Variants in ERCC6L2 observed in about 807,000 individuals in gnomAD.
The protein encoded by ERCC6L2 is ERCC excision repair 6 like 2.
Under a neutral mutation model 132.0 loss-of-function variants are expected in ERCC6L2, and 77 were observed. That is an observed-to-expected ratio of 0.58 (90% CI 0.49 to 0.71). ERCC6L2 has a LOEUF of 0.71. Among genes scored for constraint, ERCC6L2 ranks in the 30% least tolerant of loss-of-function variants. The pLI, the probability that ERCC6L2 is intolerant of heterozygous loss-of-function variation, is 0.00. For missense variants in ERCC6L2, 1,542 were observed against 1,837.6 expected (o/e 0.84, Z 2.94); for synonymous variants, 583 against 632.4 (o/e 0.92, Z 1.17).
chr9:96,007,580 G>T (rs1833902174), intron 18 of ERCC6L2, among the ~76,000 whole-genome samples: 1 of 152,218 alleles, frequency 6.6e-6, no homozygotes, highest in Non-Finnish European at 1.5e-5. Context: ...TTGTCTAGAA[G>T]CACTAACCCT....
intron 16 of ERCC6L2, among the ~76,000 whole-genome samples, chr9:95,977,819 A>G (rs1727991902): frequency 6.6e-6 from 1 of 151,720 alleles, no homozygotes; most frequent in South Asian, 2.1e-4. Flanking sequence ...CAAAACCTCC[A>G]TTTCAGGTTT....
intron 19 of ERCC6L2, among the ~76,000 whole-genome samples, chr9:96,033,331 C>T (rs556232431): frequency 1.3e-5 from 2 of 152,018 alleles, no homozygotes; most frequent in South Asian, 2.1e-4. Context: ...CTGCAACCTC[C>T]GACTCTCGGG....
intron 13 of ERCC6L2, among the ~76,000 whole-genome samples, chr9:95,959,663 T>A (rs1239097666): frequency 6.6e-6 from 1 of 150,988 alleles, no homozygotes; most frequent in African/African-American, 2.4e-5. Context: ...GAATCTACAA[T>A]GAACTCAAAC....
intron 9 of ERCC6L2, among the ~76,000 whole-genome samples, chr9:95,926,871 ATAT>A (rs1830124315): frequency 1.3e-5 from 2 of 152,086 alleles, no homozygotes; most frequent in Admixed American, 1.3e-4. Context: ...TTTTCTAATA[ATAT>A]TATTAATACA....
At chr9:95,897,344 A>G (rs990234330) in intron 2 of ERCC6L2, among the ~76,000 whole-genome samples, 4 of 152,150 alleles carry the variant, frequency 2.6e-5, no homozygotes, top group African/African-American at 9.7e-5. Flanking sequence ...ATTTTTGGAG[A>G]TGAGCTGTTA....
intron 2 of ERCC6L2, among the ~76,000 whole-genome samples, chr9:95,882,380 C>T (rs1209284102): frequency 6.6e-6 from 1 of 152,168 alleles, no homozygotes; most frequent in Non-Finnish European, 1.5e-5. Context: ...CTGCCTGCTA[C>T]AGGGTCTTTA....
chr9:95,888,386 A>G (rs1007706729), intron 2 of ERCC6L2, among the ~76,000 whole-genome samples: 1 of 152,162 alleles, frequency 6.6e-6, no homozygotes, highest in African/African-American at 2.4e-5. Context: ...TCCCAGAGTG[A>G]TATTTCATTT....
chr9:95,898,143 A>G (rs527807305), intron 3 of ERCC6L2, among the ~76,000 whole-genome samples, 172 bp downstream of exon 3: 3 of 152,226 alleles, frequency 2.0e-5, no homozygotes, highest in African/African-American at 4.8e-5. Flanking sequence ...AAGATTACCA[A>G]TTTTATTCCC....
chr9:95,990,830 TG>T (rs1833271951), intron 17 of ERCC6L2, among the ~76,000 whole-genome samples: 1 of 152,156 alleles, frequency 6.6e-6, no homozygotes, highest in South Asian at 2.1e-4. Flanking sequence ...CCTGCCCTCT[TG>T]GCACGTGGGT....
chr9:95,880,616 C>G (rs1298139201), intron 1 of ERCC6L2, among the ~76,000 whole-genome samples: 1 of 151,984 alleles, frequency 6.6e-6, no homozygotes, highest in Non-Finnish European at 1.5e-5. Flanking sequence ...TTTTTAAACT[C>G]CAGGGGAGAT....
chr9:95,948,571 G>A (rs1010787253), intron 12 of ERCC6L2, among the ~76,000 whole-genome samples: 3 of 151,998 alleles, frequency 2.0e-5, no homozygotes, highest in East Asian at 1.9e-4. Flanking sequence ...GTTTGAACCC[G>A]GGAGGTGGAG....
chr9:95,923,316 G>A lies in ERCC6L2; in HGVS notation c.1470G>A (p.Val490=). 6.2e-7 allele frequency: 1 copy of A among 1,613,834 alleles called. No homozygotes were observed. The highest frequency in any genetic ancestry group is 1.3e-5 in the African/African-American group (1 of 75,026). ...TATTTTCCAGATTCCCAGATTTTGT[G>A]CAGAAAAGCAAAGATGCAGCCTTTG... ...DQVFSRFPDF[V]QKSKDAAFET... Residue 490 remains valine (V), a synonymous_variant, in exon 9 of 19, where the codon GTG becomes GTA. Coordinates refer to ENST00000653738, the MANE Select transcript of ERCC6L2 (RefSeq NM_020207.7).
At chr9:95,935,936 A>G (rs1260890147) in intron 11 of ERCC6L2, among the ~76,000 whole-genome samples, 1 of 152,174 alleles carries the variant, frequency 6.6e-6, no homozygotes, top group Non-Finnish European at 1.5e-5. Flanking sequence ...TGAGTAGTAC[A>G]CTTAGTTCTG....
At chr9:95,956,555 G>T (rs1421186998) in intron 13 of ERCC6L2, among the ~76,000 whole-genome samples, 1 of 152,172 alleles carries the variant, frequency 6.6e-6, no homozygotes, top group African/African-American at 2.4e-5. Context: ...AAGGAAAGAG[G>T]TTTAATTGAC....
rs78033389 is a variant in ERCC6L2 at position 95,925,954 on chromosome 9, A to T, written c.1534-2125A>T. Among the ~76,000 whole-genome samples, 39 of 152,310 alleles carry T rather than the reference A, an allele frequency of 2.6e-4. No individual in the cohort carries two copies. The East Asian group carries it at 3.5e-3, about 14-fold the overall frequency. On this transcript the variant is annotated intron_variant, in intron 9 of 18. Transcript: ENST00000653738. ...CTGAACAGGTACTTCCCCAAAGAAG[A>T]TAATAGAGATGGCAAATAAGCATGT...
At chr9:95,915,197 A>C (rs1829524437) in intron 4 of ERCC6L2, among the ~76,000 whole-genome samples, 1 of 152,220 alleles carries the variant, frequency 6.6e-6, no homozygotes, top group African/African-American at 2.4e-5. Context: ...CTTTCAGTAA[A>C]GAGACCACTA....
At chr9:95,933,966 T>C (rs1830452987) in intron 11 of ERCC6L2, among the ~76,000 whole-genome samples, 1 of 152,060 alleles carries the variant, frequency 6.6e-6, no homozygotes, top group Non-Finnish European at 1.5e-5. Context: ...GCATTTTTGA[T>C]AGAAATTGTA....
intron 13 of ERCC6L2, among the ~76,000 whole-genome samples, chr9:95,958,765 C>G (rs961085385): frequency 6.6e-6 from 1 of 152,112 alleles, no homozygotes; most frequent in African/African-American, 2.4e-5. Context: ...CATGAGTGAA[C>G]TCCCATTCAC....
intron 17 of ERCC6L2, among the ~76,000 whole-genome samples, chr9:95,981,128 G>C (rs1032378622): frequency 9.9e-5 from 15 of 152,080 alleles, no homozygotes; most frequent in African/African-American, 3.4e-4. Context: ...AATTTCTAAA[G>C]AATACCATAG....
Sources: gnomAD v4.1 joint callset for allele counts (sites outside exome capture counted in the v4.1 genomes callset) on GRCh38, gnomAD v4.1.1 for gene constraint, MANE v1.5 for transcripts, NCBI Gene and HGNC (gene_info 2026-07-23, HGNC 2026-07-21) for gene names.